Variants in NAA11 observed in about 807,000 individuals in gnomAD.
The protein encoded by NAA11 is N-alpha-acetyltransferase 11, NatA catalytic subunit, also known as N-alpha-acetyltransferase 11.
Under a neutral mutation model 16.1 loss-of-function variants are expected in NAA11, and 15 were observed. That is an observed-to-expected ratio of 0.93 (90% confidence interval 0.62 to 1.44). The LOEUF (loss-of-function observed/expected upper bound fraction) is 1.44, where lower values mean the gene tolerates loss of function less well. Ranked by LOEUF, NAA11 falls within the 40% of genes most tolerant of loss-of-function variation. NAA11 has a pLI of 0.00. For synonymous variants in NAA11, 122 were observed against 112.4 expected (o/e 1.09, Z -0.54); for missense variants, 298 against 291.3 (o/e 1.02, Z -0.17).
At chr4:79,273,206 A>G (rs1722542933) in intron 2 of NAA11, among the ~76,000 whole-genome samples, 1 of 152,012 alleles carries the variant, frequency 6.6e-6, no homozygotes, top group Non-Finnish European at 1.5e-5. Flanking sequence ...GTACATATAT[A>G]GAAGGCAGGA....
At chr4:79,277,893 C>T (rs1722697943) in intron 2 of NAA11, among the ~76,000 whole-genome samples, 2 of 151,644 alleles carry the variant, frequency 1.3e-5, no homozygotes, top group South Asian at 4.2e-4. Context: ...AGGGTGCACC[C>T]TTCTACATAG....
At chr4:79,210,713 C>A in the NAA11 span, among the ~76,000 whole-genome samples, 6 of 151,858 alleles carry the variant, frequency 4.0e-5, no homozygotes, top group African/African-American at 1.4e-4. Flanking sequence ...TTAGCGGCAG[C>A]GTAAGATGGT....
chr4:79,269,849 A>G (rs1257077358), intron 2 of NAA11, among the ~76,000 whole-genome samples: 17 of 148,530 alleles, frequency 1.1e-4, no homozygotes, highest in Admixed American at 3.4e-4. Flanking sequence ...TAACGTTTAA[A>G]TCTTTAATCC....
intron 2 of NAA11, among the ~76,000 whole-genome samples, chr4:79,252,285 C>A (rs559584289): frequency 1.2e-4 from 19 of 152,086 alleles, no homozygotes; most frequent in Non-Finnish European, 2.2e-4. Context: ...ACTTCAGCAC[C>A]AAGCAATATA....
At chr4:79,240,055 A>G (rs1405031888) in intron 2 of NAA11, among the ~76,000 whole-genome samples, 1 of 152,222 alleles carries the variant, frequency 6.6e-6, no homozygotes, top group African/African-American at 2.4e-5. Flanking sequence ...GTCTTCCATC[A>G]TAAAGGGGGA....
chr4:79,307,506 A>C (rs369596753), intron 1 of NAA11, among the ~76,000 whole-genome samples: 14 of 152,262 alleles, frequency 9.2e-5, no homozygotes, highest in African/African-American at 3.4e-4. Context: ...TGATTATTAG[A>C]AGATCAAAAA....
intron 1 of NAA11, among the ~76,000 whole-genome samples, chr4:79,296,161 A>G (rs944312883): frequency 2.0e-5 from 3 of 152,214 alleles, no homozygotes; most frequent in African/African-American, 7.2e-5. Flanking sequence ...TGAATCCTGT[A>G]TTATATGACA....
intron 2 of NAA11, among the ~76,000 whole-genome samples, chr4:79,246,377 T>TAAAAAAAAAAAAAAAAAAAAAAAAAC (rs869224539): frequency 4.5e-5 from 1 of 22,462 alleles, no homozygotes. Flanking sequence ...CAATAAATAC[T>TAAAAAAAAAAAAAAAAAAAAAAAAAC]AAAAAAAAAA....
chr4:79,299,477 T>C (rs1368353585), intron 1 of NAA11: 1 of 152,238 alleles, frequency 6.6e-6, no homozygotes, highest in Non-Finnish European at 1.5e-5. Flanking sequence ...TATAAGAATA[T>C]CAAGACCCCA....
At chr4:79,195,346 G>A in the NAA11 span, among the ~76,000 whole-genome samples, 144 of 152,146 alleles carry the variant, frequency 9.5e-4, no homozygotes, top group African/African-American at 3.3e-3. Context: ...CTCTACGTGG[G>A]TGAACTTACT....
intron 2 of NAA11, among the ~76,000 whole-genome samples, chr4:79,259,416 GAGCTGCATGCCCTGCTGC>G (rs1176876179): frequency 6.6e-6 from 1 of 152,192 alleles, no homozygotes; most frequent in South Asian, 2.1e-4. Context: ...CTGGCACCTA[GAGCTGCATGCCCTGCTGC>G]AGCTGCCAGT....
At chr4:79,314,095 C>T (rs1279264138), downstream of NAA11, among the ~76,000 whole-genome samples, 1 of 152,128 alleles carries the variant, frequency 6.6e-6, no homozygotes, top group Non-Finnish European at 1.5e-5. Flanking sequence ...TAAAAAATAA[C>T]ATACATGATC....
rs1722628135 is a variant in NAA11, at chr4:79,275,502, A to ATT, written c.*122+18502_*122+18503insAA. Among the ~76,000 whole-genome samples the ATT allele has an allele frequency of 2.0e-5, 3 of 152,106 alleles. No individual in the cohort carries two copies. The South Asian group carries it at 6.2e-4, about 31-fold the overall frequency. On this transcript the variant is annotated intron_variant and NMD_transcript_variant, in intron 2 of 2. Coordinates refer to the NAA11 transcript ENST00000511542. Reference sequence around the variant, plus strand: ...CTAGACCTTGTCCTGAAGTAAGGCAACATTTTCACTCACTCATTCAAAAAA... The same window carrying ATT: ...CTAGACCTTGTCCTGAAGTAAGGCAATTCATTTTCACTCACTCATTCAAAAAA...
chr4:79,247,206 T>C (rs576496753), intron 2 of NAA11, among the ~76,000 whole-genome samples: 16 of 152,330 alleles, frequency 1.1e-4, no homozygotes, highest in African/African-American at 3.4e-4. Flanking sequence ...AGCTTGACTT[T>C]ATAGGTCCAG....
the NAA11 span, among the ~76,000 whole-genome samples, chr4:79,175,048 G>A: frequency 6.6e-6 from 1 of 152,096 alleles, no homozygotes; most frequent in Non-Finnish European, 1.5e-5. Flanking sequence ...GCCATCACAT[G>A]CTGCCCCTGT....
At chr4:79,274,278 A>G (rs2109982817) in intron 2 of NAA11, among the ~76,000 whole-genome samples, 1 of 152,180 alleles carries the variant, frequency 6.6e-6, no homozygotes, top group African/African-American at 2.4e-5. Flanking sequence ...GCAATTCTAC[A>G]CTGCATTATG....
chr4:79,178,193 T>G, the NAA11 span, among the ~76,000 whole-genome samples: 1 of 152,206 alleles, frequency 6.6e-6, no homozygotes. Context: ...ATTTTTAGTT[T>G]TGTCCATATT....
At chr4:79,318,565 T>G (rs571089155) in intron 1 of NAA11, among the ~76,000 whole-genome samples, 1 of 152,344 alleles carries the variant, frequency 6.6e-6, no homozygotes, top group South Asian at 2.1e-4. Flanking sequence ...AAAAGCATTT[T>G]TGTACAAAAT....
chr4:79,219,029 A>G, the NAA11 span, among the ~76,000 whole-genome samples: 1 of 152,168 alleles, frequency 6.6e-6, no homozygotes, highest in Non-Finnish European at 1.5e-5. Context: ...GTAAATATAG[A>G]ATTAAATCAT....
Sources: allele counts gnomAD v4.1 joint callset (sites outside exome capture counted in the v4.1 genomes callset), GRCh38; gene constraint gnomAD v4.1.1; transcripts MANE v1.5; gene names NCBI Gene and HGNC (gene_info 2026-07-23, HGNC 2026-07-21).